Variants in LPCAT1 observed in about 807,000 individuals in gnomAD.
LPCAT1 encodes 1-acylglycerol-3-phosphate O-acyltransferase.
A neutral mutation model predicts 60.9 loss-of-function variants in LPCAT1; 23 were observed. That is an observed-to-expected ratio of 0.38 (90% CI 0.27 to 0.53). LPCAT1 has a LOEUF of 0.53. Among genes scored for constraint, LPCAT1 ranks in the 20% least tolerant of loss-of-function variants. LPCAT1 has a pLI of 0.82. For missense variants in LPCAT1, 622 were observed against 723.6 expected, an observed-to-expected ratio of 0.86 and a Z score of 1.61; for synonymous variants, 340 against 301.1, an observed-to-expected ratio of 1.13 and a Z score of -1.34.
chr5:1,480,830 C>T lies in LPCAT1; in HGVS notation c.761+112G>A, dbSNP rs1735109075. 3.0e-6 allele frequency: 4 copies of T among 1,314,546 alleles called. No individual in the cohort carries two copies. Among genetic ancestry groups the T allele is most frequent in the Non-Finnish European group, 4.4e-6 (4 of 908,782 alleles). 81.4% of individuals were successfully genotyped at this position (1,314,546 alleles called of 1,614,324 possible). On this transcript the variant is annotated intron_variant, in intron 7 of 13. Transcript: ENST00000283415. This position sits in a 1 kb window ranked among gnomAD's most constrained non-coding sequence, Gnocchi z 6.4. Reference sequence around the variant, plus strand: ...AATGGGCTGAACCTAACGGCTGTCCCACACCTGCTTTCACAACTGCAAAAG... The same window carrying T: ...AATGGGCTGAACCTAACGGCTGTCCTACACCTGCTTTCACAACTGCAAAAG...
rs1447585331 is a variant in LPCAT1, at chr5:1,502,660, G to A, written c.136-1057C>T. Among the ~76,000 whole-genome samples the A allele has an allele frequency of 1.3e-5, 2 of 152,070 alleles. No homozygotes were observed. Among genetic ancestry groups the A allele is most frequent in the African/African-American group, 4.8e-5 (2 of 41,404 alleles). ...CGTGTAGAGGGGCGGGAGGCTTTGG[G>A]TGAGGGGAAACACCAGTCCTGAGGT... On this transcript the variant is annotated intron_variant, in intron 1 of 13. Coordinates refer to ENST00000283415, the MANE Select transcript of LPCAT1 (RefSeq NM_024830.5). The surrounding 1 kb of genome is among the most constrained non-coding windows in gnomAD (Gnocchi z 5.5).
At chr5:1,467,214 C>T in intron 12 of LPCAT1, 1 of 308,148 alleles carries the variant, frequency 3.2e-6, no homozygotes, top group East Asian at 5.3e-5. Flanking sequence ...CGGAAGGGTC[C>T]TGCCTGGGCC....
chr5:1,480,515 G>A lies in LPCAT1; in HGVS notation c.761+427C>T, dbSNP rs246991. 66,313 of 261,968 alleles carry A rather than the reference G, an allele frequency of 0.25. 8,721 individuals carry two copies. The highest frequency in any genetic ancestry group is 0.35 in the East Asian group (1,964 of 5,612). The allele number at this position is 261,968 out of a possible 1,614,324, so 16.2% of individuals were successfully genotyped here. A position where few individuals can be genotyped will look rare whatever the true frequency, so the allele number is the denominator to read the frequency against. On this transcript the variant is annotated intron_variant, in intron 7 of 13. Transcript: ENST00000283415. The surrounding 1 kb of genome is among the most constrained non-coding windows in gnomAD (Gnocchi z 6.4). Reference sequence around the variant, plus strand: ...TTCATTGTTGCATAACTGACCTTCGGTGTCTCTGCTGGGGGGACAGGGACA... The same window carrying A: ...TTCATTGTTGCATAACTGACCTTCGATGTCTCTGCTGGGGGGACAGGGACA...
chr5:1,464,519 T>C (rs891195416), intron 13 of LPCAT1, among the ~76,000 whole-genome samples: 5 of 152,128 alleles, frequency 3.3e-5, no homozygotes, highest in East Asian at 1.9e-4. Flanking sequence ...CCAAGGAGCA[T>C]TGCACACTTT....
rs1004717853 is a variant in LPCAT1 at position 1,496,586 on chromosome 5, A to G, written c.279-1672T>C. 6.6e-6 allele frequency among the ~76,000 whole-genome samples: 1 copy of G among 152,098 alleles called. No individual in the cohort carries two copies. Among genetic ancestry groups the G allele is most frequent in the Non-Finnish European group, 1.5e-5 (1 of 68,012 alleles). On this transcript the variant is annotated intron_variant, in intron 2 of 13. Transcript: ENST00000283415. This position sits in a 1 kb window ranked among gnomAD's most constrained non-coding sequence, Gnocchi z 4.7. ...GGGGCAGGAGAGAGGACAGCAGGAA[A>G]AAAGGGATTAAAACCCGGGCGGCCC... is the stretch of plus-strand genomic sequence containing the variant.
chr5:1,506,699 A>AC (rs1336870596), intron 1 of LPCAT1, among the ~76,000 whole-genome samples: 1 of 152,158 alleles, frequency 6.6e-6, no homozygotes, highest in African/African-American at 2.4e-5. Flanking sequence ...CTCCCAGAAC[A>AC]ATGGCCTTCT....
Position 1,483,638 on chromosome 5 carries a change from TCTGTCC to T in LPCAT1, c.668-158_668-153del. 1.4e-6 allele frequency: 1 copy of T among 724,188 alleles called. No individual in the cohort carries two copies. The highest frequency in any genetic ancestry group is 2.4e-6 in the Non-Finnish European group (1 of 423,256). The allele number at this position is 724,188 out of a possible 1,614,324, so 44.9% of individuals were successfully genotyped here. A position where few individuals can be genotyped will look rare whatever the true frequency, so the allele number is the denominator to read the frequency against. On this transcript the variant is annotated intron_variant, in intron 5 of 13. Coordinates refer to ENST00000283415, the MANE Select transcript of LPCAT1 (RefSeq NM_024830.5). The surrounding 1 kb of genome is among the most constrained non-coding windows in gnomAD (Gnocchi z 9.2). Reference sequence around the variant, plus strand: ...ACTCCATGCCTGGACTATCTCAACATCTGTCCTGACCGTAAACACCCAGCGCCACAG... The same window carrying T: ...ACTCCATGCCTGGACTATCTCAACATTGACCGTAAACACCCAGCGCCACAG...
chr5:1,501,429 CA>C, intron 2 of LPCAT1, 31 bp downstream of exon 2: 2 of 1,583,592 alleles, frequency 1.3e-6, no homozygotes, highest in South Asian at 2.3e-5. Context: ...GACCCCCCCC[CA>C]GGAGGAGAGC....
At chr5:1,479,481 A>G (rs2126519131) in intron 8 of LPCAT1, 140 bp downstream of exon 8, 1 of 683,052 alleles carries the variant, frequency 1.5e-6, no homozygotes, top group Non-Finnish European at 2.7e-6. Flanking sequence ...TCCTCGAAGG[A>G]GCCCTGAGAA....
At position 1,470,715 on chromosome 5, in the gene LPCAT1, G is replaced by A. The variant is rs979836255; in HGVS notation, c.1278+111C>T. The A allele has an allele frequency of 1.7e-5, 13 of 754,668 alleles. No homozygotes were observed. In the Admixed American group the frequency reaches 2.5e-4, roughly 14 times the overall value. The allele number at this position is 754,668 out of a possible 1,614,324, so 46.7% of individuals were successfully genotyped here. On this transcript the variant is annotated intron_variant, in intron 12 of 13. Coordinates refer to ENST00000283415, the MANE Select transcript of LPCAT1 (RefSeq NM_024830.5). ...AAAGCTTACGTAAAAATAGCAGTTG[G>A]GCAAATGATCAATTAACTGATATTA... is the stretch of plus-strand genomic sequence containing the variant.
intron 5 of LPCAT1, 105 bp downstream of exon 5, chr5:1,488,286 A>G: frequency 1.4e-6 from 1 of 694,052 alleles, no homozygotes; most frequent in Admixed American, 2.9e-5. Context: ...CACACAGGAT[A>G]AAAACAGAAA....
At chr5:1,491,637 G>A (rs2126556783) in intron 3 of LPCAT1, among the ~76,000 whole-genome samples, 1 of 152,296 alleles carries the variant, frequency 6.6e-6, no homozygotes, top group South Asian at 2.1e-4. Flanking sequence ...CCCTGAGGAG[G>A]GAAGGGTGTC....
chr5:1,466,705 C>G, intron 13 of LPCAT1, 44 bp downstream of exon 13: 1 of 1,584,268 alleles, frequency 6.3e-7, no homozygotes. Flanking sequence ...CTGTCCAGCC[C>G]CCGCCCAAGG....
In LPCAT1 at chr5:1,521,232, T is replaced by C. The variant is rs1736668198; in HGVS notation, c.135+2478A>G. 1.6e-6 allele frequency: 1 copy of C among 640,470 alleles called. No homozygotes were observed. The highest frequency in any genetic ancestry group is 2.0e-5 in the African/African-American group (1 of 50,212). The allele number at this position is 640,470 out of a possible 1,614,324, so 39.7% of individuals were successfully genotyped here. On this transcript the variant is annotated intron_variant, in intron 1 of 13. Coordinates refer to ENST00000283415, the MANE Select transcript of LPCAT1 (RefSeq NM_024830.5). This position sits in a 1 kb window ranked among gnomAD's most constrained non-coding sequence, Gnocchi z 4.3. ...CTTAAGCTCCTCACTAAATCTGTAG[T>C]TAAATGACAGATGGGCTGGCTGGAG...
In LPCAT1 at chr5:1,523,272, C is replaced by G. The variant is rs1013318462; in HGVS notation, c.135+438G>C. 5.3e-5 allele frequency among the ~76,000 whole-genome samples: 8 copies of G among 151,970 alleles called. No individual in the cohort carries two copies. Among genetic ancestry groups the G allele is most frequent in the Non-Finnish European group, 1.2e-4 (8 of 67,980 alleles). The stretch of plus-strand genomic sequence containing the variant: ...GCCGCTCCGGAGTCCCCGGGCTGCG[C>G]GCAGGGCCTGCCAAGGCGGGCGGGG... On this transcript the variant is annotated intron_variant, in intron 1 of 13. Coordinates refer to ENST00000283415, the MANE Select transcript of LPCAT1 (RefSeq NM_024830.5). The surrounding 1 kb of genome is among the most constrained non-coding windows in gnomAD (Gnocchi z 7.1).
intron 1 of LPCAT1, among the ~76,000 whole-genome samples, chr5:1,511,592 C>T (rs796992902): frequency 2.0e-5 from 3 of 152,194 alleles, no homozygotes; most frequent in African/African-American, 7.2e-5. Flanking sequence ...GTGGGGATGT[C>T]ATCTGCTCAC....
chr5:1,478,533 G>A (rs1041442065), intron 8 of LPCAT1, among the ~76,000 whole-genome samples: 1 of 152,258 alleles, frequency 6.6e-6, no homozygotes, highest in African/African-American at 2.4e-5. Context: ...TTCTGTGCTC[G>A]AGGCCTGGCC....
chr5:1,464,025 G>A (rs974221624), intron 13 of LPCAT1, among the ~76,000 whole-genome samples, 190 bp from the exon 14 acceptor site: 3 of 152,218 alleles, frequency 2.0e-5, no homozygotes, highest in African/African-American at 7.2e-5. Context: ...AGCGCACGAA[G>A]TCACCCTGAC....
Position 1,501,516 on chromosome 5 carries a change from C to A in LPCAT1, c.223G>T (p.Ala75Ser). The change falls in exon 2 of 14, where the codon GCA (alanine) becomes TCA (serine). Residue 75 changes from alanine to serine, a missense_variant. Physicochemically the swap from Ala to Ser is moderately conservative, Grantham distance 99 (BLOSUM62 1). This residue lies in a region of LPCAT1 where 125 missense variants were observed against 114.5 expected (regional missense o/e 1.09). Coordinates refer to ENST00000283415, the MANE Select transcript of LPCAT1 (RefSeq NM_024830.5). ...MLLAWPLALV[A>S]SLGSAEKEPE... ...TCCTTCTCCGCAGAGCCCAGGGATGCGACAAGTGCGAGGGGCCAGGCCAGC... is the reference window on the plus strand; with the variant it reads ...TCCTTCTCCGCAGAGCCCAGGGATGAGACAAGTGCGAGGGGCCAGGCCAGC... The A allele has an allele frequency of 1.9e-6, 3 of 1,613,852 alleles. No individual in the cohort carries two copies. The East Asian group carries it at 6.7e-5, about 36-fold the overall frequency.
Sources: allele counts gnomAD v4.1 joint callset (sites outside exome capture counted in the v4.1 genomes callset), GRCh38; gene constraint gnomAD v4.1.1; regional missense constraint gnomAD v4.1.1; non-coding constraint Gnocchi (gnomAD v3.1); transcripts MANE v1.5; gene names NCBI Gene and HGNC (gene_info 2026-07-23, HGNC 2026-07-21).